The following TTC7B variants were observed in gnomAD, a reference collection of about 807,000 sequenced individuals.
TTC7B encodes the protein tetratricopeptide repeat domain 7B.
A neutral mutation model predicts 106.8 loss-of-function variants in TTC7B; 28 were observed. The ratio of observed to expected loss-of-function variants is 0.26; its 90% CI spans 0.19 to 0.36. The LOEUF (loss-of-function observed/expected upper bound fraction) is 0.36. Among genes scored for constraint, TTC7B ranks in the 10% least tolerant of loss-of-function variants. The pLI is 1.00. For synonymous variants in TTC7B, 405 were observed against 430.6 expected (o/e 0.94, Z 0.74); for missense variants, 862 against 1,076.4 (o/e 0.80, Z 2.79).
intron 17 of TTC7B, among the ~76,000 whole-genome samples, chr14:90,595,077 T>C (rs1892149710): frequency 6.6e-6 from 1 of 152,194 alleles, no homozygotes; most frequent in African/African-American, 2.4e-5. Flanking sequence ...CTCACGCCTA[T>C]AATCCCAGCA....
Position 90,808,185 on chromosome 14 carries a change from C to T in TTC7B, c.121+7990G>A, listed in dbSNP as rs911432922. Among the ~76,000 whole-genome samples the T allele has an allele frequency of 2.6e-5, 4 of 152,202 alleles. No individual in the cohort carries two copies. Among genetic ancestry groups the T allele is most frequent in the Non-Finnish European group, 4.4e-5 (3 of 68,034 alleles). On this transcript the variant is annotated intron_variant, in intron 1 of 19. Transcript: ENST00000328459. The surrounding 1 kb of genome is among the most constrained non-coding windows in gnomAD (Gnocchi z 4.2). ...AAGAGGCTGGGCACAGTGGCTCACG[C>T]CTGTAATCCCAGCACTTTGGGAGGC...
chr14:90,683,767 C>T (rs879706111), intron 7 of TTC7B, among the ~76,000 whole-genome samples: 44 of 152,140 alleles, frequency 2.9e-4, no homozygotes, highest in Non-Finnish European at 3.5e-4. Flanking sequence ...GCTGAGAGGA[C>T]GGGCCTCTCC....
chr14:90,620,552 G>T (rs1170414774), intron 15 of TTC7B, among the ~76,000 whole-genome samples: 1 of 152,150 alleles, frequency 6.6e-6, no homozygotes, highest in Non-Finnish European at 1.5e-5. Context: ...AAGCAATTGC[G>T]GCAAGGGGAG....
At chr14:90,801,829 A>C (rs1286325) in intron 1 of TTC7B, among the ~76,000 whole-genome samples, 4 of 151,958 alleles carry the variant, frequency 2.6e-5, no homozygotes, top group African/African-American at 9.7e-5. Flanking sequence ...GCCAAGGGGA[A>C]GGGGGTGGAT....
At chr14:90,733,669 C>T (rs1889410075) in intron 4 of TTC7B, among the ~76,000 whole-genome samples, 1 of 152,208 alleles carries the variant, frequency 6.6e-6, no homozygotes, top group African/African-American at 2.4e-5. Context: ...GCGCAGCTGG[C>T]TCTGGCAGAA....
intron 14 of TTC7B, 26 bp downstream of exon 14, chr14:90,646,925 G>A: frequency 1.3e-6 from 2 of 1,596,910 alleles, no homozygotes; most frequent in Non-Finnish European, 1.7e-6. Context: ...AGTGCAGCAA[G>A]TATAGGAAAC....
chr14:90,650,885 C>T (rs2139891518), intron 13 of TTC7B, among the ~76,000 whole-genome samples: 1 of 152,332 alleles, frequency 6.6e-6, no homozygotes, highest in Admixed American at 6.5e-5. Flanking sequence ...TCAGATGCAG[C>T]CACCCAACCT....
intron 3 of TTC7B, among the ~76,000 whole-genome samples, chr14:90,758,475 CA>C (rs1281741605): frequency 1.4e-4 from 6 of 43,786 alleles, no homozygotes; most frequent in East Asian, 1.0e-3. Context: ...CGGGGCGGGG[CA>C]GGGGGGGCAC....
intron 15 of TTC7B, among the ~76,000 whole-genome samples, chr14:90,636,969 GAAAA>G (rs950423011): frequency 8.5e-6 from 1 of 118,116 alleles, no homozygotes; most frequent in Non-Finnish European, 1.8e-5. Context: ...AAGAGATTAA[GAAAA>G]AAAAAAAACC....
chr14:90,589,542 GAC>G (rs1891866124), intron 18 of TTC7B, among the ~76,000 whole-genome samples: 1 of 152,216 alleles, frequency 6.6e-6, no homozygotes, highest in African/African-American at 2.4e-5. Context: ...GTTCAGTACA[GAC>G]AGATTTTTTT....
chr14:90,703,022 G>T (rs946583031), intron 5 of TTC7B, among the ~76,000 whole-genome samples: 1 of 152,202 alleles, frequency 6.6e-6, no homozygotes, highest in Non-Finnish European at 1.5e-5. Flanking sequence ...GAACTCAAAA[G>T]TGAACCACTA....
intron 3 of TTC7B, among the ~76,000 whole-genome samples, chr14:90,746,364 T>C (rs117116710): frequency 3.6e-4 from 55 of 152,378 alleles, no homozygotes; most frequent in Non-Finnish European, 5.7e-4. Context: ...TTTATTGGTA[T>C]AGAGCTGTCC....
rs957464276 is a variant in TTC7B at position 90,550,329 on chromosome 14, T to C, written c.2311-8740A>G. 2.6e-5 allele frequency among the ~76,000 whole-genome samples: 4 copies of C among 152,346 alleles called. No homozygotes were observed. In the East Asian group the frequency reaches 7.7e-4, roughly 29 times the overall value. ...AGGACCGAACTGTAATGCACCTAAA[T>C]GTTATGTCTCCACCCTAAAGTGAAC... On this transcript the variant is annotated intron_variant, in intron 19 of 19. Coordinates refer to ENST00000328459, the MANE Select transcript of TTC7B (RefSeq NM_001010854.2).
At chr14:90,588,894 A>C (rs1316022546) in intron 18 of TTC7B, among the ~76,000 whole-genome samples, 1 of 149,570 alleles carries the variant, frequency 6.7e-6, no homozygotes, top group South Asian at 2.1e-4. Context: ...ACTAAAAAAA[A>C]AAAAAAAAAA....
At chr14:90,649,336 T>C (rs572390391) in intron 13 of TTC7B, among the ~76,000 whole-genome samples, 1 of 152,208 alleles carries the variant, frequency 6.6e-6, no homozygotes, top group Admixed American at 6.5e-5. Context: ...AAGCTCCCTG[T>C]GTTGATCTCA....
At chr14:90,596,463 T>C (rs1267569013) in intron 17 of TTC7B, among the ~76,000 whole-genome samples, 2 of 152,216 alleles carry the variant, frequency 1.3e-5, no homozygotes, top group East Asian at 1.9e-4. Context: ...GCAGTGGTGG[T>C]TGTCAGTTTT....
rs547545098 is a variant in TTC7B at position 90,808,679 on chromosome 14, G to A, written c.121+7496C>T. Among the ~76,000 whole-genome samples the A allele has an allele frequency of 3.3e-5, 5 of 152,274 alleles. No individual in the cohort carries two copies. In the East Asian group the frequency reaches 5.8e-4, roughly 18 times the overall value. On this transcript the variant is annotated intron_variant, in intron 1 of 19. Coordinates refer to ENST00000328459, the MANE Select transcript of TTC7B (RefSeq NM_001010854.2). This position sits in a 1 kb window ranked among gnomAD's most constrained non-coding sequence, Gnocchi z 4.2. ...GACATCCGCTCATCCTTGTCTTGGT[G>A]GCTGATGGGAATGCTTTTGAGGTCT...
intron 18 of TTC7B, 107 bp downstream of exon 18, chr14:90,593,379 G>A: frequency 1.4e-6 from 2 of 1,428,212 alleles, no homozygotes; most frequent in Middle Eastern, 2.4e-4. Flanking sequence ...AATGAGGGGT[G>A]TGGGCTAAAC....
intron 19 of TTC7B, among the ~76,000 whole-genome samples, chr14:90,572,326 G>GT (rs1190966856): frequency 6.6e-6 from 1 of 150,914 alleles, no homozygotes; most frequent in African/African-American, 2.5e-5. Flanking sequence ...CAGCAGTGTC[G>GT]TTAGTCAGCC....
Sources: gnomAD v4.1 joint callset for allele counts (sites outside exome capture counted in the v4.1 genomes callset) on GRCh38, gnomAD v4.1.1 for gene constraint, Gnocchi (gnomAD v3.1) non-coding constraint, MANE v1.5 for transcripts, NCBI Gene and HGNC (gene_info 2026-07-23, HGNC 2026-07-21) for gene names.